ENTREP2: variants seen among roughly 807,000 people sequenced by gnomAD.
ENTREP2 encodes the protein endosomal transmembrane epsin interactor 2, also known as protein ENTREP2.
At chr15:29,378,478 A>G in the ENTREP2 span, among the ~76,000 whole-genome samples, 4 of 152,316 alleles carry the variant, frequency 2.6e-5, no homozygotes, top group East Asian at 7.7e-4. Context: ...TTTGTAGATG[A>G]GATTAAGTTT....
chr15:29,126,178 G>T, the ENTREP2 span: 2 of 1,059,636 alleles, frequency 1.9e-6, no homozygotes, highest in Non-Finnish European at 2.7e-6. Flanking sequence ...TGCAGGGCCG[G>T]GCCTCCACTC....
chr15:29,381,696 G>A, the ENTREP2 span: 186 of 1,213,408 alleles, frequency 1.5e-4, no homozygotes, highest in Middle Eastern at 2.6e-4. Context: ...AATTCTCTTC[G>A]CCACTGCCTC....
chr15:29,668,357 C>A, the ENTREP2 span, among the ~76,000 whole-genome samples: 968 of 152,224 alleles, frequency 6.4e-3, 16 homozygotes, highest in African/African-American at 0.022. Flanking sequence ...CAGTTTGGTG[C>A]GTCCTCAAAA....
the ENTREP2 span, among the ~76,000 whole-genome samples, chr15:29,335,285 T>C: frequency 3.9e-5 from 6 of 152,316 alleles, no homozygotes; most frequent in South Asian, 6.2e-4. Context: ...TACGGTGTAA[T>C]TGAAATTCCA....
the ENTREP2 span, among the ~76,000 whole-genome samples, chr15:29,248,658 A>C: frequency 6.6e-6 from 1 of 152,296 alleles, no homozygotes; most frequent in Non-Finnish European, 1.5e-5. Flanking sequence ...TAAAAAGTTT[A>C]ATCTTACTAG....
chr15:29,601,054 C>CGG, the ENTREP2 span, among the ~76,000 whole-genome samples: 1 of 150,410 alleles, frequency 6.6e-6, no homozygotes. Flanking sequence ...CCCGCCACCA[C>CGG]GCCCGGCTAA....
the ENTREP2 span, chr15:29,269,695 T>G: frequency 6.5e-7 from 1 of 1,545,138 alleles, no homozygotes; most frequent in Non-Finnish European, 8.7e-7. Context: ...GTTCCTCGGT[T>G]TTTGCAACAT....
chr15:29,498,537 A>G, the ENTREP2 span, among the ~76,000 whole-genome samples: 1 of 152,200 alleles, frequency 6.6e-6, no homozygotes, highest in Non-Finnish European at 1.5e-5. Flanking sequence ...CAATCTGCTT[A>G]AATACATTAA....
chr15:29,598,231 C>T, the ENTREP2 span, among the ~76,000 whole-genome samples: 2 of 152,190 alleles, frequency 1.3e-5, no homozygotes, highest in Admixed American at 6.5e-5. Flanking sequence ...ATTCCTGTTG[C>T]TCCACATCCC....
chr15:29,656,383 A>G, the ENTREP2 span, among the ~76,000 whole-genome samples: 1 of 151,990 alleles, frequency 6.6e-6, no homozygotes, highest in African/African-American at 2.4e-5. Flanking sequence ...CCATCACCAC[A>G]GCCGGGTAGT....
At chr15:29,311,256 G>T in the ENTREP2 span, among the ~76,000 whole-genome samples, 1 of 152,148 alleles carries the variant, frequency 6.6e-6, no homozygotes, top group Admixed American at 6.6e-5. Context: ...ATGATCGATA[G>T]ATTTCTGAAT....
the ENTREP2 span, among the ~76,000 whole-genome samples, chr15:29,593,152 CT>C: frequency 2.6e-5 from 4 of 152,170 alleles, no homozygotes; most frequent in Non-Finnish European, 5.9e-5. Flanking sequence ...TGCTCTAGAA[CT>C]TTCCTTCCGT....
the ENTREP2 span, among the ~76,000 whole-genome samples, chr15:29,634,761 T>C: frequency 6.6e-6 from 1 of 152,222 alleles, no homozygotes; most frequent in Non-Finnish European, 1.5e-5. Flanking sequence ...GCTCCTCTTT[T>C]GGTTTGATTA....
the ENTREP2 span, among the ~76,000 whole-genome samples, chr15:29,282,382 T>C: frequency 6.6e-6 from 1 of 152,202 alleles, no homozygotes; most frequent in Non-Finnish European, 1.5e-5. Flanking sequence ...TGTGAGTCCA[T>C]TAAACCTCTT....
At chr15:29,190,236 G>T in the ENTREP2 span, among the ~76,000 whole-genome samples, 1 of 152,168 alleles carries the variant, frequency 6.6e-6, no homozygotes, top group East Asian at 1.9e-4. Flanking sequence ...TCCCTGTGTG[G>T]TGTGGTGGAG....
chr15:29,632,062 TAAA>T, the ENTREP2 span, among the ~76,000 whole-genome samples: 2 of 151,138 alleles, frequency 1.3e-5, no homozygotes, highest in Admixed American at 1.3e-4. Context: ...CTCTGCTAGA[TAAA>T]TAAGGTTTTT....
the ENTREP2 span, among the ~76,000 whole-genome samples, chr15:29,422,063 T>C: frequency 1.3e-4 from 20 of 151,780 alleles, no homozygotes; most frequent in East Asian, 3.7e-3. Flanking sequence ...AGGTCAGGAG[T>C]TCAAAACCAG....
chr15:29,340,054 T>G, the ENTREP2 span, among the ~76,000 whole-genome samples: 90 of 152,376 alleles, frequency 5.9e-4, no homozygotes, highest in African/African-American at 2.1e-3. Flanking sequence ...GAAGCACTGG[T>G]GTTTTACACA....
At chr15:29,433,755 G>C in the ENTREP2 span, among the ~76,000 whole-genome samples, 1 of 137,008 alleles carries the variant, frequency 7.3e-6, no homozygotes, top group Non-Finnish European at 1.5e-5. Context: ...AGGTCTCTCA[G>C]ACACCAAACA....
Sources: gnomAD v4.1 joint callset for allele counts (sites outside exome capture counted in the v4.1 genomes callset) on GRCh38, gnomAD v4.1.1 for gene constraint, MANE v1.5 for transcripts, NCBI Gene and HGNC (gene_info 2026-07-23, HGNC 2026-07-21) for gene names.